SLC22A12: variants seen among roughly 807,000 people sequenced by gnomAD.
SLC22A12 encodes organic anion transporter 4-like protein.
In SLC22A12, 56 loss-of-function variants were observed where a neutral mutation model predicts 52.7. The observed-to-expected ratio is 1.06, with a 90% confidence interval of 0.86 to 1.33. The LOEUF is 1.33. SLC22A12 is among the 40% of genes most tolerant of loss of function. SLC22A12 has a pLI of 0.00. For missense variants in SLC22A12, 683 were observed against 741.5 expected, an observed-to-expected ratio of 0.92 and a Z score of 0.92; for synonymous variants, 337 against 324.6, an observed-to-expected ratio of 1.04 and a Z score of -0.41.
At position 64,599,790 on chromosome 11, in the gene SLC22A12, C is replaced by T. The variant is rs138457974; in HGVS notation, c.1185C>T (p.Gly395=). The change falls in exon 7 of 10, where the codon GGC becomes GGT. Residue 395 remains glycine, a synonymous_variant. Coordinates refer to ENST00000377574, the MANE Select transcript of SLC22A12 (RefSeq NM_144585.4). The part of the protein sequence containing the change: ...IGVVDIPAKM[G]ALLLLSHLGR... Reference sequence around the variant, plus strand: ...TCGTGGACATCCCAGCCAAGATGGGCGCCCTGCTGCTGCTGAGCCACCTGG... The same window carrying T: ...TCGTGGACATCCCAGCCAAGATGGGTGCCCTGCTGCTGCTGAGCCACCTGG... 5.0e-5 allele frequency: 81 copies of T among 1,612,890 alleles called. No homozygotes were observed. In the African/African-American group the frequency reaches 9.1e-4, roughly 18 times the overall value.
intron 4 of SLC22A12, among the ~76,000 whole-genome samples, chr11:64,597,642 G>A (rs1003625378): frequency 6.6e-6 from 1 of 152,336 alleles, no homozygotes; most frequent in African/African-American, 2.4e-5. Context: ...TCAGGGCCCC[G>A]GTGGGTGTAG....
rs1358779337 is a variant in SLC22A12, at chr11:64,601,713, C to G, written c.*162C>G. The G allele has an allele frequency of 1.3e-6, 1 of 746,322 alleles. No individual in the cohort carries two copies. Among genetic ancestry groups the G allele is most frequent in the Non-Finnish European group, 2.3e-6 (1 of 435,376 alleles). The allele number at this position is 746,322 out of a possible 1,614,324, so 46.2% of individuals were successfully genotyped here. A position where few individuals can be genotyped will look rare whatever the true frequency, so the allele number is the denominator to read the frequency against. On this transcript the variant is annotated 3_prime_UTR_variant, in exon 10 of 10. Coordinates refer to ENST00000377574, the MANE Select transcript of SLC22A12 (RefSeq NM_144585.4). The stretch of plus-strand genomic sequence containing the variant: ...CTGCCCCTCCAGGTGAGCCCTGCCC[C>G]TCTCACAGTCCAAGGGGCCCCCTTC...
intron 4 of SLC22A12, among the ~76,000 whole-genome samples, chr11:64,594,731 A>AGACG (rs1396367615): frequency 2.1e-5 from 2 of 95,924 alleles, no homozygotes; most frequent in Admixed American, 2.1e-4. Flanking sequence ...ATGGACGGAC[A>AGACG]GACGGACGGA....
rs201322494 is a variant in SLC22A12 at position 64,599,680 on chromosome 11, G to T, written c.1075G>T (p.Ala359Ser). ...RTCISTLCWF[A>S]FGFTFFGLAL... ...CTTCCCTGACCCCTGCCCCAGGTTC[G>T]CCTTTGGCTTCACCTTCTTCGGCCT... is the stretch of plus-strand genomic sequence containing the variant. Residue 359 changes from alanine (A) to serine (S), a missense_variant, in exon 7 of 10, where the codon GCC becomes TCC. Coordinates refer to ENST00000377574, the MANE Select transcript of SLC22A12 (RefSeq NM_144585.4). 6.3e-7 allele frequency: 1 copy of T among 1,580,878 alleles called. No homozygotes were observed. Among genetic ancestry groups the T allele is most frequent in the Non-Finnish European group, 8.6e-7 (1 of 1,167,604 alleles).
chr11:64,595,974 TGG>T, intron 4 of SLC22A12, among the ~76,000 whole-genome samples: 1 of 123,606 alleles, frequency 8.1e-6, no homozygotes, highest in African/African-American at 3.2e-5. Context: ...ATGGAATGGA[TGG>T]ATGGTTGGAA....
intron 4 of SLC22A12, among the ~76,000 whole-genome samples, chr11:64,595,362 G>A (rs1323444649): frequency 1.2e-4 from 5 of 43,300 alleles, no homozygotes; most frequent in Non-Finnish European, 2.1e-4. Context: ...TGGATGGATG[G>A]ATGGATGGAT....
chr11:64,601,342 C>T, intron 9 of SLC22A12, 146 bp from the exon 10 acceptor site: 5 of 805,672 alleles, frequency 6.2e-6, no homozygotes, highest in Non-Finnish European at 1.0e-5. Context: ...CACACACACC[C>T]CCAACCCATC....
Position 64,593,514 on chromosome 11 carries a change from T to A in SLC22A12, c.616T>A (p.Leu206Met). 1 of 1,614,192 alleles carries A rather than the reference T, an allele frequency of 6.2e-7. No homozygotes were observed. Among genetic ancestry groups the A allele is most frequent in the Non-Finnish European group, 8.5e-7 (1 of 1,180,050 alleles). ...CGTGTACTGCCTGTTCCGCTTCCTGTTGGCCTTTGCCGTGGCAGGCGTCAT... is the reference window on the plus strand; with the variant it reads ...CGTGTACTGCCTGTTCCGCTTCCTGATGGCCTTTGCCGTGGCAGGCGTCAT... ...FPVYCLFRFL[L>M]AFAVAGVMMN... is the part of the protein sequence containing the mutation. Residue 206 changes from leucine to methionine, a missense_variant, in exon 3 of 10, where the codon TTG (leucine) becomes ATG (methionine). Coordinates refer to ENST00000377574, the MANE Select transcript of SLC22A12 (RefSeq NM_144585.4).
chr11:64,600,508 G>C (rs1189933609), intron 8 of SLC22A12, 33 bp downstream of exon 8: 3 of 1,547,454 alleles, frequency 1.9e-6, no homozygotes, highest in Non-Finnish European at 2.6e-6. Context: ...GGAGAGGGGA[G>C]CCCTGGGCTG....
chr11:64,599,592 C>CCCCCCCCCCCCCCTTTT, intron 6 of SLC22A12, 84 bp from the exon 7 acceptor site: 1 of 560,816 alleles, frequency 1.8e-6, no homozygotes, highest in Non-Finnish European at 2.7e-6. Context: ...CCACCCTGAG[C>CCCCCCCCCCCCCCTTTT]CCCCACCGCC....
Position 64,593,674 on chromosome 11 carries a change from T to G in SLC22A12, c.701T>G (p.Met234Arg). ...GCGGCACGGGCCCGACCCTTGGTGATGACCTTGAACTCTCTGGGCTTCAGC... is the reference window on the plus strand; with the variant it reads ...GCGGCACGGGCCCGACCCTTGGTGAGGACCTTGAACTCTCTGGGCTTCAGC... The part of the protein sequence containing the change: ...WTAARARPLV[M>R]TLNSLGFSFG... The change falls in exon 4 of 10, where the codon ATG becomes AGG. Residue 234 changes from methionine to arginine, a missense_variant. Transcript: ENST00000377574. 1 of 1,614,196 alleles carries G rather than the reference T, an allele frequency of 6.2e-7. No homozygotes were observed. Among genetic ancestry groups the G allele is most frequent in the Non-Finnish European group, 8.5e-7 (1 of 1,180,042 alleles).
rs2038984467 is a variant in SLC22A12 at position 64,593,408 on chromosome 11, T to TG, written c.513dup (p.Arg172AlafsTer147). Reference sequence around the variant, plus strand: ...CTCTTCCTGGTTTGTGCCGCAGGTTTGGGCGCAGGCTGGTGCTAACCTGGA... The same window carrying TG: ...CTCTTCCTGGTTTGTGCCGCAGGTTTGGGGCGCAGGCTGGTGCTAACCTGGA... On this transcript the variant is annotated frameshift_variant, in exon 3 of 10. Coordinates refer to ENST00000377574, the MANE Select transcript of SLC22A12 (RefSeq NM_144585.4). LOFTEE classifies it high-confidence loss of function. 1 of 1,614,020 alleles carries TG rather than the reference T, an allele frequency of 6.2e-7. No individual in the cohort carries two copies. The highest frequency in any genetic ancestry group is 1.3e-5 in the African/African-American group (1 of 74,966).
At chr11:64,599,184 A>G (rs2039357263) in intron 6 of SLC22A12, among the ~76,000 whole-genome samples, 1 of 152,168 alleles carries the variant, frequency 6.6e-6, no homozygotes, top group East Asian at 1.9e-4. Flanking sequence ...GCTGGGAGCC[A>G]GGCATGACGA....
At chr11:64,597,311 C>G (rs2039278124) in intron 4 of SLC22A12, among the ~76,000 whole-genome samples, 1 of 152,122 alleles carries the variant, frequency 6.6e-6, no homozygotes, top group African/African-American at 2.4e-5. Flanking sequence ...CCAGCTCCCT[C>G]CAAATACTGC....
intron 7 of SLC22A12, among the ~76,000 whole-genome samples, 199 bp downstream of exon 7, chr11:64,600,089 G>C (rs1200850855): frequency 6.6e-6 from 1 of 152,194 alleles, no homozygotes; most frequent in African/African-American, 2.4e-5. Flanking sequence ...GTGGCACCAG[G>C]GAAAAGTGTG....
chr11:64,594,336 A>G (rs2039017184), intron 4 of SLC22A12, among the ~76,000 whole-genome samples: 1 of 152,256 alleles, frequency 6.6e-6, no homozygotes, highest in Admixed American at 6.5e-5. Flanking sequence ...CACAGTCCCC[A>G]CAGAGGGCCG....
intron 4 of SLC22A12, among the ~76,000 whole-genome samples, chr11:64,596,633 C>T (rs1362765339): frequency 6.6e-6 from 1 of 152,208 alleles, no homozygotes; most frequent in Non-Finnish European, 1.5e-5. Flanking sequence ...CCACAAATCT[C>T]TCCCACCCAA....
Position 64,596,381 on chromosome 11 carries a change from A to ATGGATGGATGGT in SLC22A12, c.831-2120_831-2109dup, listed in dbSNP as rs1358133074. ...ATGGATGGATGGATGGATGGAATGGATGGATGGATGGTTGGATGGATGGTT... is the reference window on the plus strand; with the variant it reads ...ATGGATGGATGGATGGATGGAATGGATGGATGGATGGTTGGATGGATGGTTGGATGGATGGTT... On this transcript the variant is annotated intron_variant, in intron 4 of 9. Coordinates refer to ENST00000377574, the MANE Select transcript of SLC22A12 (RefSeq NM_144585.4). Among the ~76,000 whole-genome samples, 265 of 137,998 alleles carry ATGGATGGATGGT rather than the reference A, an allele frequency of 1.9e-3. 7 individuals are homozygous for ATGGATGGATGGT. In the South Asian group the frequency reaches 0.058, roughly 30 times the overall value. 90.5% of individuals were successfully genotyped at this position (137,998 alleles called of 152,430 possible).
chr11:64,591,858 C>G lies in SLC22A12; in HGVS notation c.302C>G (p.Pro101Arg), dbSNP rs757860382. 3 of 1,612,590 alleles carry G rather than the reference C, an allele frequency of 1.9e-6. No homozygotes were observed. The East Asian group carries it at 6.7e-5, about 36-fold the overall frequency. ...FRQPQWQLLD[P>R]NATATSWSEA... ...CAGCCACAGTGGCAGCTCTTGGACC[C>G]CAATGCCACGGCCACCAGCTGGAGC... is the stretch of plus-strand genomic sequence containing the variant. The change falls in exon 1 of 10, where the codon CCC (proline) becomes CGC (arginine). Residue 101 changes from proline to arginine, a missense_variant. Coordinates refer to ENST00000377574, the MANE Select transcript of SLC22A12 (RefSeq NM_144585.4).
Sources: gnomAD v4.1 joint callset for allele counts (sites outside exome capture counted in the v4.1 genomes callset) on GRCh38, gnomAD v4.1.1 for gene constraint, MANE v1.5 for transcripts, NCBI Gene and HGNC (gene_info 2026-07-23, HGNC 2026-07-21) for gene names.